Variants in CNGB3 observed in about 807,000 individuals in gnomAD.
CNGB3 encodes the protein cyclic nucleotide gated channel subunit beta 3, also known as cyclic nucleotide-gated channel beta-3.
CNGB3 carries 86 observed loss-of-function variants against 92.8 expected under a neutral mutation model. The observed-to-expected ratio is 0.93, with a 90% CI of 0.78 to 1.11. The LOEUF (loss-of-function observed/expected upper bound fraction) is 1.11, where lower values mean the gene tolerates loss of function less well. CNGB3 is among the 50% of genes least tolerant of loss of function. CNGB3 has a pLI of 0.00. For synonymous variants in CNGB3, 333 were observed against 332.7 expected (o/e 1.00, Z -0.01); for missense variants, 1,026 against 956.8 (o/e 1.07, Z -0.95).
chr8:86,606,444 C>A (rs1487411322), intron 14 of CNGB3, among the ~76,000 whole-genome samples: 1 of 152,058 alleles, frequency 6.6e-6, no homozygotes, highest in Non-Finnish European at 1.5e-5. Flanking sequence ...AGCCACTGCA[C>A]CTGGCCTGTG....
At chr8:86,692,360 CTCATT>C (rs1017371562) in intron 3 of CNGB3, among the ~76,000 whole-genome samples, 21 of 152,140 alleles carry the variant, frequency 1.4e-4, no homozygotes, top group African/African-American at 5.1e-4. Flanking sequence ...TGCCATCTGT[CTCATT>C]TCTTAGGTCT....
intron 6 of CNGB3, among the ~76,000 whole-genome samples, chr8:86,665,482 G>A (rs1405469739): frequency 6.6e-6 from 1 of 151,960 alleles, no homozygotes; most frequent in East Asian, 1.9e-4. Flanking sequence ...GTTCATCGCA[G>A]CATTATTCAC....
At chr8:86,642,230 A>G (rs1178644162) in intron 10 of CNGB3, among the ~76,000 whole-genome samples, 1 of 151,698 alleles carries the variant, frequency 6.6e-6, no homozygotes, top group Non-Finnish European at 1.5e-5. Context: ...TGCTAATTTG[A>G]AAAAAACAGC....
chr8:86,666,290 A>G lies in CNGB3; in HGVS notation c.852+635T>C, dbSNP rs116083146. Among the ~76,000 whole-genome samples the G allele has an allele frequency of 8.6e-3, 1,304 of 152,310 alleles. 16 individuals carry two copies. The highest frequency in any genetic ancestry group is 0.029 in the African/African-American group (1,205 of 41,564). ...ATAATTGATCTATTTAAAAAACATT[A>G]TTTAGGTAAAATATGTGGATAGTTT... is the stretch of plus-strand genomic sequence containing the variant. On this transcript the variant is annotated intron_variant, in intron 6 of 17. Coordinates refer to ENST00000320005, the MANE Select transcript of CNGB3 (RefSeq NM_019098.5).
In CNGB3 at chr8:86,671,092, T is replaced by C; in HGVS notation, c.345A>G (p.Gln115=). The change falls in exon 4 of 18, where the codon CAA becomes CAG. Residue 115 remains glutamine, a synonymous_variant. Transcript: ENST00000320005. ...DPGKEGPNSP[Q]NKPPAAPVIN... ...TAACAGGAGCTGCAGGCGGTTTGTT[T>C]TGTGGGCTAAATGAGAAAAAAAATG... The C allele has an allele frequency of 2.5e-6, 4 of 1,613,590 alleles. No homozygotes were observed. Among genetic ancestry groups the C allele is most frequent in the Non-Finnish European group, 2.5e-6 (3 of 1,179,942 alleles).
intron 6 of CNGB3, chr8:86,661,083 C>T: frequency 4.4e-6 from 1 of 224,806 alleles, no homozygotes; most frequent in Non-Finnish European, 8.9e-6. Flanking sequence ...TTCGTTCCCC[C>T]ATATGAGTCA....
intron 3 of CNGB3, among the ~76,000 whole-genome samples, chr8:86,673,419 G>A (rs899060341): frequency 6.6e-6 from 1 of 152,168 alleles, no homozygotes; most frequent in Non-Finnish European, 1.5e-5. Flanking sequence ...GTATATGTGT[G>A]TGTGTGTAGG....
intron 6 of CNGB3, chr8:86,661,393 A>G (rs1586000231): frequency 4.6e-6 from 2 of 439,206 alleles, no homozygotes; most frequent in East Asian, 1.1e-4. Flanking sequence ...TTAATTCTCT[A>G]TCAGGAAGAG....
At chr8:86,600,822 G>C (rs774029390) in intron 15 of CNGB3, among the ~76,000 whole-genome samples, 36 of 112,670 alleles carry the variant, frequency 3.2e-4, no homozygotes, top group Non-Finnish European at 4.9e-4. Flanking sequence ...AGTAGAGATG[G>C]GGTTTCACAG....
chr8:86,673,550 G>T (rs1823907910), intron 3 of CNGB3, among the ~76,000 whole-genome samples: 1 of 152,156 alleles, frequency 6.6e-6, no homozygotes, highest in South Asian at 2.1e-4. Flanking sequence ...TAAGCAGTGG[G>T]CAAAGAGAGC....
chr8:86,598,351 A>G (rs1349146758), intron 15 of CNGB3, among the ~76,000 whole-genome samples: 1 of 152,116 alleles, frequency 6.6e-6, no homozygotes, highest in Non-Finnish European at 1.5e-5. Context: ...ATGATTTGTG[A>G]CTTTCTTTGG....
At chr8:86,659,542 G>T in intron 6 of CNGB3, 1 of 587,828 alleles carries the variant, frequency 1.7e-6, no homozygotes, top group Admixed American at 2.3e-5. Context: ...TCTCTCCTTG[G>T]TTAACTCTTT....
chr8:86,618,643 A>G (rs1191880274), intron 13 of CNGB3, among the ~76,000 whole-genome samples: 2 of 152,220 alleles, frequency 1.3e-5, no homozygotes, highest in Admixed American at 6.5e-5. Flanking sequence ...AATGGAGTTC[A>G]TTTAGATTAT....
At chr8:86,661,951 C>G (rs1823648767) in intron 6 of CNGB3, 2 of 645,190 alleles carry the variant, frequency 3.1e-6, no homozygotes, top group Admixed American at 2.2e-5. Context: ...GAGGCTCAAC[C>G]CATCATGGAA....
chr8:86,616,344 C>A (rs930724894), intron 13 of CNGB3, among the ~76,000 whole-genome samples: 3 of 152,140 alleles, frequency 2.0e-5, no homozygotes, highest in Non-Finnish European at 4.4e-5. Flanking sequence ...AGCTTTGGGG[C>A]AGCTTTGGTT....
chr8:86,595,452 T>A (rs1175730687), intron 15 of CNGB3, among the ~76,000 whole-genome samples: 1 of 152,224 alleles, frequency 6.6e-6, no homozygotes, highest in Admixed American at 6.5e-5. Flanking sequence ...TTCAGTGGGA[T>A]ATTGTGGGAC....
intron 10 of CNGB3, among the ~76,000 whole-genome samples, chr8:86,635,827 T>G (rs1823053910): frequency 2.3e-5 from 1 of 43,578 alleles, no homozygotes; most frequent in Non-Finnish European, 4.0e-5. Context: ...ACATGATATA[T>G]ATATATATAT....
chr8:86,729,970 T>C (rs186932456), intron 2 of CNGB3, among the ~76,000 whole-genome samples: 24 of 152,328 alleles, frequency 1.6e-4, no homozygotes, highest in African/African-American at 5.8e-4. Context: ...ATCAGTACAC[T>C]TGGTCAAATT....
intron 2 of CNGB3, among the ~76,000 whole-genome samples, chr8:86,738,802 C>T (rs1437804725): frequency 3.4e-5 from 5 of 146,054 alleles, no homozygotes; most frequent in African/African-American, 1.3e-4. Context: ...GATTACGTCA[C>T]TGCACTCCAG....
Sources: allele counts gnomAD v4.1 joint callset (sites outside exome capture counted in the v4.1 genomes callset), GRCh38; gene constraint gnomAD v4.1.1; transcripts MANE v1.5; gene names NCBI Gene and HGNC (gene_info 2026-07-23, HGNC 2026-07-21).